The following SLC35F1 variants were observed in gnomAD, a reference collection of about 807,000 sequenced individuals.
SLC35F1 encodes the protein chromosome 6 open reading frame 169.
SLC35F1 carries 14 observed loss-of-function variants against 48.7 expected under a neutral mutation model. The ratio of observed to expected loss-of-function variants is 0.29; its 90% CI spans 0.19 to 0.45. SLC35F1 has a LOEUF of 0.45. Among genes scored for constraint, SLC35F1 ranks in the 20% least tolerant of loss-of-function variants. The probability of loss-of-function intolerance (pLI) is 1.00; values close to 1 mark genes in which losing one functional copy is unlikely to be tolerated. For missense variants in SLC35F1, 404 were observed against 500.0 expected (o/e 0.81, Z 1.83); for synonymous variants, 190 against 202.2 (o/e 0.94, Z 0.51).
intron 1 of SLC35F1, among the ~76,000 whole-genome samples, chr6:118,025,156 T>C (rs534166470): frequency 3.3e-5 from 5 of 152,328 alleles, no homozygotes; most frequent in African/African-American, 1.2e-4. Flanking sequence ...CAGAGTCCTG[T>C]ATTAGGTTAG....
intron 2 of SLC35F1, among the ~76,000 whole-genome samples, chr6:118,168,794 T>C (rs1774356554): frequency 1.3e-5 from 2 of 152,208 alleles, no homozygotes; most frequent in South Asian, 2.1e-4. Flanking sequence ...TTAAACTCTT[T>C]TGAAATTTCT....
At chr6:118,215,831 A>T (rs144893409) in intron 2 of SLC35F1, among the ~76,000 whole-genome samples, 11 of 152,320 alleles carry the variant, frequency 7.2e-5, no homozygotes, top group Non-Finnish European at 1.3e-4. Flanking sequence ...AAGCTACATT[A>T]TCTTAGCACT....
At chr6:118,156,835 A>G (rs544946802) in intron 2 of SLC35F1, among the ~76,000 whole-genome samples, 1 of 152,100 alleles carries the variant, frequency 6.6e-6, no homozygotes, top group Non-Finnish European at 1.5e-5. Flanking sequence ...GTTCTTGTAC[A>G]TCTCACTTTT....
At chr6:118,291,699 A>C (rs1776125148) in intron 7 of SLC35F1, among the ~76,000 whole-genome samples, 1 of 152,186 alleles carries the variant, frequency 6.6e-6, no homozygotes, top group Non-Finnish European at 1.5e-5. Flanking sequence ...AATAACTGCT[A>C]ATTGCCTGGC....
intron 4 of SLC35F1, among the ~76,000 whole-genome samples, chr6:118,271,489 A>G (rs549394088): frequency 9.8e-5 from 15 of 152,324 alleles, no homozygotes; most frequent in Admixed American, 5.2e-4. Context: ...GGAAAACAAG[A>G]TAGTTGGTTC....
At chr6:117,978,417 G>A (rs1776731550) in intron 1 of SLC35F1, among the ~76,000 whole-genome samples, 1 of 152,050 alleles carries the variant, frequency 6.6e-6, no homozygotes, top group Admixed American at 6.6e-5. Context: ...GGCTGGATTA[G>A]TCGTTCCCTT....
chr6:117,958,693 C>T (rs1054350604), intron 1 of SLC35F1, among the ~76,000 whole-genome samples: 7 of 152,192 alleles, frequency 4.6e-5, no homozygotes, highest in African/African-American at 1.7e-4. Context: ...TAAGCTATGC[C>T]ATCTCGGTTT....
intron 6 of SLC35F1, among the ~76,000 whole-genome samples, chr6:118,281,308 T>C (rs1313912313): frequency 6.6e-6 from 1 of 151,800 alleles, no homozygotes; most frequent in East Asian, 1.9e-4. Flanking sequence ...ACAATATAGA[T>C]GAGTGTTATG....
intron 6 of SLC35F1, among the ~76,000 whole-genome samples, chr6:118,284,618 G>A (rs200457880): frequency 6.6e-6 from 1 of 152,138 alleles, no homozygotes; most frequent in South Asian, 2.1e-4. Context: ...GAAATCTGGA[G>A]GAGACTGACA....
chr6:117,979,342 TTA>T lies in SLC35F1; in HGVS notation c.173+71445_173+71446del, dbSNP rs535933587. ...TCCGTTACCCCATTGGAAGATTTTC[TTA>T]TGAGTCAGAGGCTAGTTTCTGGTCC... On this transcript the variant is annotated intron_variant, in intron 1 of 7. Coordinates refer to ENST00000360388, the MANE Select transcript of SLC35F1 (RefSeq NM_001029858.4). Among the ~76,000 whole-genome samples, 54 of 152,350 alleles carry T rather than the reference TTA, an allele frequency of 3.5e-4. 3 individuals carry two copies. The South Asian group carries it at 0.011, about 30-fold the overall frequency.
chr6:118,039,234 T>C (rs1772176020), intron 1 of SLC35F1, among the ~76,000 whole-genome samples: 1 of 152,146 alleles, frequency 6.6e-6, no homozygotes, highest in Admixed American at 6.5e-5. Flanking sequence ...ATTATTAGAA[T>C]GTTTTATATG....
At chr6:118,151,522 AT>A (rs1177780291) in intron 1 of SLC35F1, among the ~76,000 whole-genome samples, 1 of 151,998 alleles carries the variant, frequency 6.6e-6, no homozygotes. Flanking sequence ...AAAACCTTTA[AT>A]TTTTTATAAG....
intron 1 of SLC35F1, among the ~76,000 whole-genome samples, chr6:118,143,434 G>T (rs1425525746): frequency 6.6e-6 from 1 of 152,136 alleles, no homozygotes; most frequent in Non-Finnish European, 1.5e-5. Flanking sequence ...TAGAGTCAAA[G>T]TTCCTATTTA....
intron 2 of SLC35F1, among the ~76,000 whole-genome samples, chr6:118,226,520 C>T (rs1247289382): frequency 1.3e-5 from 2 of 151,008 alleles, no homozygotes; most frequent in African/African-American, 4.9e-5. Flanking sequence ...GAATATTATT[C>T]AGCCACTAAA....
chr6:118,185,166 T>C (rs1774638265), intron 2 of SLC35F1, among the ~76,000 whole-genome samples: 1 of 152,188 alleles, frequency 6.6e-6, no homozygotes. Flanking sequence ...TGTTTCCCCA[T>C]TTCTTCCCCC....
At chr6:118,100,480 A>T (rs949917456) in intron 1 of SLC35F1, among the ~76,000 whole-genome samples, 1 of 152,132 alleles carries the variant, frequency 6.6e-6, no homozygotes, top group African/African-American at 2.4e-5. Flanking sequence ...CACTGGAACC[A>T]CTCACAGAAC....
intron 1 of SLC35F1, among the ~76,000 whole-genome samples, chr6:117,978,226 C>A (rs2114848039): frequency 6.6e-6 from 1 of 152,142 alleles, no homozygotes; most frequent in South Asian, 2.1e-4. Flanking sequence ...GAAATAAGGG[C>A]CTATTTTCTC....
chr6:117,924,163 A>G (rs1435390849), intron 1 of SLC35F1, among the ~76,000 whole-genome samples: 10 of 127,724 alleles, frequency 7.8e-5, no homozygotes, highest in Non-Finnish European at 1.5e-4. Context: ...ACATAGGTAC[A>G]CATGCATATG....
At chr6:117,981,192 G>A (rs1202367522) in intron 1 of SLC35F1, among the ~76,000 whole-genome samples, 1 of 152,174 alleles carries the variant, frequency 6.6e-6, no homozygotes, top group Non-Finnish European at 1.5e-5. Flanking sequence ...TTGGCTCAGA[G>A]GTGGAAGATG....
Sources: allele counts gnomAD v4.1 joint callset (sites outside exome capture counted in the v4.1 genomes callset), GRCh38; gene constraint gnomAD v4.1.1; transcripts MANE v1.5; gene names NCBI Gene and HGNC (gene_info 2026-07-23, HGNC 2026-07-21).